The following DNAJC13 variants were observed in gnomAD, a reference collection of about 807,000 sequenced individuals.
DNAJC13 encodes the protein dnaJ homolog subfamily C member 13.
Under a neutral mutation model 290.5 loss-of-function variants are expected in DNAJC13, and 75 were observed. The observed-to-expected ratio is 0.26, with a 90% CI of 0.21 to 0.31. The LOEUF is 0.31. Ranked by LOEUF, DNAJC13 falls within the 10% of genes least tolerant of loss-of-function variation. The pLI is 1.00. For synonymous variants in DNAJC13, 862 were observed against 892.0 expected (o/e 0.97, Z 0.60); for missense variants, 2,260 against 2,674.5 (o/e 0.85, Z 3.42).
intron 32 of DNAJC13, among the ~76,000 whole-genome samples, chr3:132,491,831 A>G (rs1390503402): frequency 6.6e-6 from 1 of 152,126 alleles, no homozygotes; most frequent in Non-Finnish European, 1.5e-5. Flanking sequence ...TGGGCTTGGC[A>G]TGTGTTAGCC....
At chr3:132,444,729 C>T (rs1933187399) in intron 2 of DNAJC13, among the ~76,000 whole-genome samples, 1 of 152,160 alleles carries the variant, frequency 6.6e-6, no homozygotes. Flanking sequence ...AATCTTATTT[C>T]TTTGTTTTAG....
At chr3:132,479,354 C>T in intron 25 of DNAJC13, 65 bp downstream of exon 25, 1 of 1,130,122 alleles carries the variant, frequency 8.8e-7, no homozygotes, top group Non-Finnish European at 1.3e-6. Context: ...GATAAACTCA[C>T]AGTTTGAGTT....
intron 1 of DNAJC13, among the ~76,000 whole-genome samples, chr3:132,432,578 C>T (rs1262824226): frequency 6.6e-6 from 1 of 152,126 alleles, no homozygotes; most frequent in Non-Finnish European, 1.5e-5. Flanking sequence ...AAAGAAATAA[C>T]CATATTTAAC....
chr3:132,480,863 T>C (rs752892001), intron 26 of DNAJC13, among the ~76,000 whole-genome samples: 2 of 152,228 alleles, frequency 1.3e-5, no homozygotes, highest in Non-Finnish European at 2.9e-5. Context: ...ACTTAACTTA[T>C]AGAAGAATCT....
rs1291929533 is a variant in DNAJC13, at chr3:132,482,342, G to A, written c.2979+12G>A. 1 of 1,605,444 alleles carries A rather than the reference G, an allele frequency of 6.2e-7. No homozygotes were observed. Among genetic ancestry groups the A allele is most frequent in the African/African-American group, 1.3e-5 (1 of 74,718 alleles). On this transcript the variant is annotated intron_variant, in intron 27 of 55. Coordinates refer to ENST00000260818, the MANE Select transcript of DNAJC13 (RefSeq NM_015268.4). ...ATGGATTTCATGAGGTATGTATCTT[G>A]GAGATACTTTTGGTGAAGGTCTCAG...
chr3:132,460,548 G>A (rs546812322), intron 14 of DNAJC13, among the ~76,000 whole-genome samples, 191 bp downstream of exon 14: 1 of 151,958 alleles, frequency 6.6e-6, no homozygotes, highest in African/African-American at 2.4e-5. Flanking sequence ...CACCTGGGAA[G>A]GATAGATGTC....
At chr3:132,535,698 G>A (rs922003153) in intron 55 of DNAJC13, among the ~76,000 whole-genome samples, 2 of 152,124 alleles carry the variant, frequency 1.3e-5, no homozygotes, top group Non-Finnish European at 2.9e-5. Context: ...AGTTTTGTGG[G>A]ATTCTCTGTA....
chr3:132,512,581 A>G (rs960072518), intron 44 of DNAJC13, among the ~76,000 whole-genome samples: 22 of 152,190 alleles, frequency 1.4e-4, no homozygotes, highest in Non-Finnish European at 1.5e-5. Flanking sequence ...GTTTGTTTGT[A>G]TTATAGTTAA....
intron 1 of DNAJC13, among the ~76,000 whole-genome samples, chr3:132,418,671 A>G (rs561030373): frequency 6.6e-6 from 1 of 152,276 alleles, no homozygotes; most frequent in South Asian, 2.1e-4. Flanking sequence ...TGCGTCCTCT[A>G]TGAAGGGCTT....
At chr3:132,523,091 A>C in intron 49 of DNAJC13, 66 bp from the exon 50 acceptor site, 1 of 1,608,254 alleles carries the variant, frequency 6.2e-7, no homozygotes, top group East Asian at 2.2e-5. Context: ...TCTAAAACTT[A>C]TGCTAAAGGT....
At chr3:132,482,497 T>C (rs1219061653) in intron 27 of DNAJC13, among the ~76,000 whole-genome samples, 167 bp downstream of exon 27, 3 of 152,182 alleles carry the variant, frequency 2.0e-5, no homozygotes, top group African/African-American at 7.2e-5. Context: ...GAACCAAACA[T>C]ACATATAAAA....
intron 42 of DNAJC13, 109 bp from the exon 43 acceptor site, chr3:132,507,126 ATT>A (rs952342745): frequency 2.2e-5 from 15 of 675,764 alleles, no homozygotes; most frequent in Non-Finnish European, 3.5e-5. Flanking sequence ...ATCACACCAC[ATT>A]TTTTCTCTAG....
In DNAJC13 at chr3:132,502,355, C is replaced by A; in HGVS notation, c.4603C>A (p.Gln1535Lys). ...VSSFAVDFWL[Q>K]THLFQAGILW... is the part of the protein sequence containing the mutation. ...TTCTTTTGCTGTGGATTTCTGGCTA[C>A]AGACACACCTATTTCAGGCTGGAAT... The change falls in exon 40 of 56, where the codon CAG becomes AAG. Residue 1535 changes from glutamine to lysine, a missense_variant. Physicochemically the swap from Gln to Lys is moderately conservative, Grantham distance 53. Transcript: ENST00000260818. 2 of 1,613,760 alleles carry A rather than the reference C, an allele frequency of 1.2e-6. No individual in the cohort carries two copies. Among genetic ancestry groups the A allele is most frequent in the Non-Finnish European group, 8.5e-7 (1 of 1,179,928 alleles).
intron 24 of DNAJC13, among the ~76,000 whole-genome samples, 160 bp downstream of exon 24, chr3:132,478,300 A>G (rs1444886686): frequency 6.6e-6 from 1 of 152,148 alleles, no homozygotes; most frequent in African/African-American, 2.4e-5. Context: ...AGTTAGATGA[A>G]TAGGAAAATG....
At position 132,447,377 on chromosome 3, in the gene DNAJC13, G is replaced by A. The variant is rs1470854608; in HGVS notation, c.201G>A (p.Glu67=). ...CTGTTGGAAAAGGACAAGGAACGGA[G>A]TTCAACCTCACATTTCGTAAAGGCA... ...ISPVGKGQGT[E]FNLTFRKGSG... The change falls in exon 4 of 56, where the codon GAG becomes GAA. Residue 67 remains glutamate (E), a synonymous_variant. Coordinates refer to ENST00000260818, the MANE Select transcript of DNAJC13 (RefSeq NM_015268.4). 1.9e-6 allele frequency: 3 copies of A among 1,607,982 alleles called. No homozygotes were observed. Among genetic ancestry groups the A allele is most frequent in the East Asian group, 2.3e-5 (1 of 44,340 alleles).
intron 2 of DNAJC13, among the ~76,000 whole-genome samples, chr3:132,442,131 A>AC (rs1261235867): frequency 9.5e-6 from 1 of 104,840 alleles, no homozygotes; most frequent in African/African-American, 3.4e-5. Context: ...CCATATGTTA[A>AC]AAAAAAAAAA....
intron 2 of DNAJC13, among the ~76,000 whole-genome samples, chr3:132,438,028 G>A (rs1939424895): frequency 6.7e-6 from 1 of 148,222 alleles, no homozygotes; most frequent in Non-Finnish European, 1.5e-5. Context: ...TCCAGCCTGG[G>A]CGACAGAGTA....
chr3:132,478,327 T>A (rs964654874), intron 24 of DNAJC13, among the ~76,000 whole-genome samples, 187 bp downstream of exon 24: 1 of 152,126 alleles, frequency 6.6e-6, no homozygotes, highest in Non-Finnish European at 1.5e-5. Context: ...GGGTTAGAAT[T>A]TGTCCATGTC....
In DNAJC13 at chr3:132,484,554, A is replaced by T. The variant is rs769350609; in HGVS notation, c.3183-34A>T. On this transcript the variant is annotated intron_variant, in intron 28 of 55. Coordinates refer to ENST00000260818, the MANE Select transcript of DNAJC13 (RefSeq NM_015268.4). ...TCTGAACATACAAATTTTAACAAAT[A>T]TATTAAATGTTGACGTGAGAAAATG... 9 of 1,582,156 alleles carry T rather than the reference A, an allele frequency of 5.7e-6. No individual in the cohort carries two copies. In the Admixed American group the frequency reaches 1.3e-4, roughly 23 times the overall value.
Sources: gnomAD v4.1 joint callset for allele counts (sites outside exome capture counted in the v4.1 genomes callset) on GRCh38, gnomAD v4.1.1 for gene constraint, MANE v1.5 for transcripts, NCBI Gene and HGNC (gene_info 2026-07-23, HGNC 2026-07-21) for gene names.